MOK: variants seen among roughly 807,000 people sequenced by gnomAD.
The protein encoded by MOK is MOK protein kinase.
Under a neutral mutation model 54.2 loss-of-function variants are expected in MOK, and 59 were observed. The observed-to-expected ratio is 1.09, with a 90% confidence interval of 0.88 to 1.35. The LOEUF (loss-of-function observed/expected upper bound fraction) is 1.35. Ranked by LOEUF, MOK falls within the 40% of genes most tolerant of loss-of-function variation. MOK has a pLI of 0.00. For missense variants in MOK, 517 were observed against 526.2 expected (o/e 0.98, Z 0.17); for synonymous variants, 210 against 202.7 (o/e 1.04, Z -0.31).
Position 102,245,755 on chromosome 14 carries a change from T to C in MOK, c.590+5057A>G. Among the ~76,000 whole-genome samples, 1 of 152,296 alleles carries C rather than the reference T, an allele frequency of 6.6e-6. No individual in the cohort carries two copies. Among genetic ancestry groups the C allele is most frequent in the Admixed American group, 6.5e-5 (1 of 15,294 alleles). On this transcript the variant is annotated intron_variant, in intron 7 of 11. Transcript: ENST00000361847. This position sits in a 1 kb window ranked among gnomAD's most constrained non-coding sequence, Gnocchi z 4.3. Reference sequence around the variant, plus strand: ...AAGCCTGTTTGGTGGTCTTTTCACATGGACGTGTGTGACACTTACAACCCC... The same window carrying C: ...AAGCCTGTTTGGTGGTCTTTTCACACGGACGTGTGTGACACTTACAACCCC...
intron 4 of MOK, among the ~76,000 whole-genome samples, chr14:102,253,407 G>A (rs1478920580): frequency 6.6e-6 from 1 of 152,228 alleles, no homozygotes; most frequent in Non-Finnish European, 1.5e-5. Flanking sequence ...CTTCCAGGAC[G>A]CTGTCCTTCA....
downstream of MOK, among the ~76,000 whole-genome samples, chr14:102,221,263 A>G (rs1323133438): frequency 6.6e-6 from 1 of 152,218 alleles, no homozygotes; most frequent in Non-Finnish European, 1.5e-5. This position sits in a 1 kb window ranked among gnomAD's most constrained non-coding sequence, Gnocchi z 4.8. Context: ...TCCCTCTGCC[A>G]GGAGTAGATG....
chr14:102,291,167 CAA>C (rs1017353555), intron 1 of MOK, among the ~76,000 whole-genome samples: 1 of 152,102 alleles, frequency 6.6e-6, no homozygotes, highest in Admixed American at 6.6e-5. Flanking sequence ...TCCCTTCTGA[CAA>C]AAAACCGGAA....
chr14:102,224,588 TCTTTA>T (rs1477744048), downstream of MOK: 1 of 456,110 alleles, frequency 2.2e-6, no homozygotes, highest in East Asian at 6.9e-5. Flanking sequence ...TGGGGGCATG[TCTTTA>T]CTTTCAGGCT....
chr14:102,272,167 A>G (rs1173497108), intron 2 of MOK, among the ~76,000 whole-genome samples: 1 of 152,146 alleles, frequency 6.6e-6, no homozygotes, highest in Non-Finnish European at 1.5e-5. Flanking sequence ...CGCCACGCCT[A>G]ACTCCCTAAC....
chr14:102,301,547 C>T (rs1222702706), intron 1 of MOK, among the ~76,000 whole-genome samples: 2 of 152,126 alleles, frequency 1.3e-5, no homozygotes, highest in African/African-American at 2.4e-5. Flanking sequence ...CCACTCTGAC[C>T]CCAAGCTATG....
At position 102,283,558 on chromosome 14, in the gene MOK, C is replaced by T. The variant is rs763883573; in HGVS notation, c.42G>A (p.Thr14=). Reference sequence around the variant, plus strand: ...TTTGCATCTTCATAACTTCAGAAAACGTTCCCTCTCCTATTTTGCCAATTG... The same window carrying T: ...TTTGCATCTTCATAACTTCAGAAAATGTTCCCTCTCCTATTTTGCCAATTG... The part of the protein sequence containing the change: ...YKAIGKIGEG[T]FSEVMKMQSL... The change falls in exon 2 of 12, where the codon ACG becomes ACA. Residue 14 remains threonine (T), a synonymous_variant. Transcript: ENST00000361847. The T allele has an allele frequency of 6.8e-6, 11 of 1,613,220 alleles. No homozygotes were observed. The highest frequency in any genetic ancestry group is 6.7e-5 in the Admixed American group (4 of 59,826).
chr14:102,257,066 G>A (rs933016228), intron 4 of MOK, among the ~76,000 whole-genome samples: 4 of 151,280 alleles, frequency 2.6e-5, no homozygotes, highest in African/African-American at 7.3e-5. Flanking sequence ...CACACCCGCA[G>A]ATTGGCTTGC....
the MOK span, among the ~76,000 whole-genome samples, chr14:102,218,500 C>A: frequency 1.3e-5 from 2 of 152,256 alleles, no homozygotes; most frequent in African/African-American, 4.8e-5. Context: ...GCAGCACCTG[C>A]AGGGGCAGGA....
chr14:102,253,391 G>A (rs1013524664), intron 4 of MOK, among the ~76,000 whole-genome samples: 6 of 152,196 alleles, frequency 3.9e-5, no homozygotes, highest in African/African-American at 1.2e-4. Flanking sequence ...AGCCGGCCTC[G>A]GAGGCCTTCC....
At chr14:102,296,924 G>A (rs1419595886) in intron 1 of MOK, among the ~76,000 whole-genome samples, 1 of 152,052 alleles carries the variant, frequency 6.6e-6, no homozygotes, top group Non-Finnish European at 1.5e-5. Context: ...CAGGCGTGGT[G>A]GCAGACACTT....
rs776333449 is a variant in MOK, at chr14:102,251,822, G to A, written c.363-18C>T. On this transcript the variant is annotated intron_variant, in intron 5 of 11. Coordinates refer to ENST00000361847, the MANE Select transcript of MOK (RefSeq NM_014226.3). ...TTCCATTTCTGCATTCAGTATAAAG[G>A]AAAAATAGAATTACACTTCATTTAT... The A allele has an allele frequency of 1.3e-5, 20 of 1,554,614 alleles. No homozygotes were observed. The highest frequency in any genetic ancestry group is 1.7e-5 in the Non-Finnish European group (19 of 1,130,334).
At chr14:102,225,252 G>A (rs187134799), downstream of MOK, 52 of 173,826 alleles carry the variant, frequency 3.0e-4, no homozygotes, top group Non-Finnish European at 5.1e-4. Flanking sequence ...GTAGAGATGG[G>A]GTCTCCTTAT....
intron 7 of MOK, 91 bp from the exon 8 acceptor site, chr14:102,233,880 A>G: frequency 1.1e-6 from 1 of 917,266 alleles, no homozygotes; most frequent in Non-Finnish European, 1.7e-6. Context: ...ACAAGGGGAG[A>G]TCGTGGGAAG....
At chr14:102,282,912 G>A (rs1162636699) in intron 2 of MOK, among the ~76,000 whole-genome samples, 1 of 151,684 alleles carries the variant, frequency 6.6e-6, no homozygotes, top group Non-Finnish European at 1.5e-5. Context: ...ATAATTAGCC[G>A]GGCTTGGTGG....
At chr14:102,297,631 G>A (rs759900151) in intron 1 of MOK, among the ~76,000 whole-genome samples, 24 of 152,206 alleles carry the variant, frequency 1.6e-4, no homozygotes, top group Admixed American at 1.2e-3. Context: ...GGCCAGAGCC[G>A]GCTCCCTCAG....
chr14:102,304,250 A>G (rs2072538590), intron 1 of MOK, among the ~76,000 whole-genome samples: 1 of 152,194 alleles, frequency 6.6e-6, no homozygotes, highest in Non-Finnish European at 1.5e-5. Context: ...TCACAACCAT[A>G]AACAATTATA....
intron 2 of MOK, among the ~76,000 whole-genome samples, chr14:102,275,068 A>C (rs2068729349): frequency 6.6e-6 from 1 of 152,198 alleles, no homozygotes. Context: ...GTATTGGCAT[A>C]ATGACAGTCA....
In MOK at chr14:102,232,579, G is replaced by C; in HGVS notation, c.822C>G (p.Ile274Met). The C allele has an allele frequency of 6.2e-7, 1 of 1,613,934 alleles. No individual in the cohort carries two copies. The highest frequency in any genetic ancestry group is 8.5e-7 in the Non-Finnish European group (1 of 1,179,870). Residue 274 changes from isoleucine to methionine, a missense_variant, in exon 9 of 12, where the codon ATC becomes ATG. By Grantham distance (10) the Ile-to-Met change is conservative (BLOSUM62 1). Transcript: ENST00000361847. The surrounding 1 kb of genome is among the most constrained non-coding windows in gnomAD (Gnocchi z 5.1). ...AMVAYDPDERIAAHQALQHPY... is the reference protein window; with the variant it reads ...AMVAYDPDERMAAHQALQHPY... ...GGTGCTGCAGGGCCTGGTGGGCGGC[G>C]ATTCTCTCATCGGGATCATAGGCCA...
Sources: allele counts gnomAD v4.1 joint callset (sites outside exome capture counted in the v4.1 genomes callset), GRCh38; gene constraint gnomAD v4.1.1; non-coding constraint Gnocchi (gnomAD v3.1); transcripts MANE v1.5; gene names NCBI Gene and HGNC (gene_info 2026-07-23, HGNC 2026-07-21).